The following HAGH variants were observed in gnomAD, a reference collection of about 807,000 sequenced individuals.
HAGH encodes the protein hydroxyacylglutathione hydrolase, also known as hydroxyacylglutathione hydrolase, mitochondrial.
Under a neutral mutation model 35.1 loss-of-function variants are expected in HAGH, and 29 were observed. The observed-to-expected ratio is 0.83, with a 90% CI of 0.62 to 1.13. HAGH has a LOEUF of 1.13. Ranked by LOEUF, HAGH falls within the 50% of genes most tolerant of loss-of-function variation. The pLI is 0.00. For missense variants in HAGH, 478 were observed against 419.6 expected (o/e 1.14, Z -1.22); for synonymous variants, 225 against 176.1 (o/e 1.28, Z -2.20).
upstream of HAGH, chr16:1,826,962 A>C (rs1898469325): frequency 1.6e-6 from 1 of 609,422 alleles, no homozygotes; most frequent in Non-Finnish European, 2.6e-6. Flanking sequence ...GCGAGCCCCG[A>C]CTGCCACGGG....
At chr16:1,815,551 T>C (rs1897851176) in intron 7 of HAGH, among the ~76,000 whole-genome samples, 1 of 152,042 alleles carries the variant, frequency 6.6e-6, no homozygotes. Flanking sequence ...ATTCTGTTCA[T>C]GGGAAACTAG....
At chr16:1,809,456 A>T (rs1321644735) in intron 8 of HAGH, 74 bp from the exon 9 acceptor site, 1 of 1,259,272 alleles carries the variant, frequency 7.9e-7, no homozygotes. Context: ...ACTGCAGAGG[A>T]AGGCGACTCG....
chr16:1,823,012 G>T lies in HAGH; in HGVS notation c.102C>A (p.Cys34Ter), dbSNP rs755114034. The change falls in exon 2 of 9, where the codon TGC becomes TGA. Residue 34 changes from cysteine to a stop codon, truncating the protein, a stop_gained. Coordinates refer to ENST00000397356, the MANE Select transcript of HAGH (RefSeq NM_005326.6). LOFTEE classifies it high-confidence loss of function. Reference protein sequence around the residue: ...GLGPALLGVFCHTDLRKNLTV... With the variant: ...GLGPALLGVF ...TCAGGTTCTTCCGCAAATCTGTGTG[G>T]CAGAAAACTCCCAGCAGGGCTGGAC... is the stretch of plus-strand genomic sequence containing the variant. The T allele has an allele frequency of 1.9e-6, 3 of 1,613,750 alleles. No homozygotes were observed. In the African/African-American group the frequency reaches 4.0e-5, roughly 22 times the overall value.
At chr16:1,821,572 A>C (rs1898147633) in intron 3 of HAGH, 1 of 152,268 alleles carries the variant, frequency 6.6e-6, no homozygotes, top group African/African-American at 2.4e-5. Flanking sequence ...GAACCCAGAC[A>C]GGGCATTTTA....
At position 1,819,914 on chromosome 16, in the gene HAGH, G is replaced by A. The variant is rs1436272716; in HGVS notation, c.415C>T (p.His139Tyr). The change falls in exon 4 of 9, where the codon CAC becomes TAC. Residue 139 changes from histidine (H) to tyrosine (Y), a missense_variant. Coordinates refer to ENST00000397356, the MANE Select transcript of HAGH (RefSeq NM_005326.6). ...CTCCTTACCTGCAGTGTGGACAGGTGAGTGATCTTGTGAGTCAGGGCCCCG... is the reference window on the plus strand; with the variant it reads ...CTCCTTACCTGCAGTGTGGACAGGTAAGTGATCTTGTGAGTCAGGGCCCCG... The part of the protein sequence containing the change: ...RIGALTHKIT[H>Y]LSTLQVGSLN... 1.2e-6 allele frequency: 2 copies of A among 1,607,476 alleles called. No individual in the cohort carries two copies. Among genetic ancestry groups the A allele is most frequent in the East Asian group, 2.2e-5 (1 of 44,814 alleles).
chr16:1,827,013 C>G (rs1284219604), upstream of HAGH: 3 of 696,724 alleles, frequency 4.3e-6, no homozygotes, highest in Non-Finnish European at 6.6e-6. Flanking sequence ...GGCCCGAGAG[C>G]TGCGCCGGGA....
chr16:1,818,854 G>T, intron 5 of HAGH: 1 of 479,466 alleles, frequency 2.1e-6, no homozygotes, highest in African/African-American at 2.0e-5. Flanking sequence ...CTTTCCCGTG[G>T]GACCCGCCCG....
At position 1,819,191 on chromosome 16, in the gene HAGH, G is replaced by T. The variant is rs772341306; in HGVS notation, c.465C>A (p.Thr155=). 7.4e-6 allele frequency: 12 copies of T among 1,612,638 alleles called. No individual in the cohort carries two copies. Among genetic ancestry groups the T allele is most frequent in the Non-Finnish European group, 1.0e-5 (12 of 1,179,424 alleles). Reference sequence around the variant, plus strand: ...AAATGTGTCCTGAAGTGTGGCACGGGGTCGCCAGGCACTTGACGTTCAGAG... The same window carrying T: ...AAATGTGTCCTGAAGTGTGGCACGGTGTCGCCAGGCACTTGACGTTCAGAG... ...VGSLNVKCLA[T]PCHTSGHICY... The change falls in exon 5 of 9, where the codon ACC becomes ACA. Residue 155 remains threonine, a synonymous_variant. Coordinates refer to ENST00000397356, the MANE Select transcript of HAGH (RefSeq NM_005326.6).
chr16:1,813,704 G>C (rs185172612), intron 7 of HAGH, among the ~76,000 whole-genome samples: 96 of 152,286 alleles, frequency 6.3e-4, no homozygotes, highest in Admixed American at 1.3e-4. Flanking sequence ...AGAAGTTCAC[G>C]AGATGATTCT....
At chr16:1,826,582 C>G (rs1158077217) in intron 1 of HAGH, 130 bp downstream of exon 1, 2 of 982,462 alleles carry the variant, frequency 2.0e-6, no homozygotes, top group African/African-American at 1.8e-5. Context: ...CGCTCGAGCC[C>G]GGCAGCGCGG....
At chr16:1,809,919 T>C in intron 7 of HAGH, 86 bp from the exon 8 acceptor site, 3 of 966,612 alleles carry the variant, frequency 3.1e-6, no homozygotes, top group East Asian at 2.4e-5. Flanking sequence ...ATACCAGCAC[T>C]TTGGGAGGCT....
At chr16:1,810,160 A>AG in intron 7 of HAGH, 2 of 219,384 alleles carry the variant, frequency 9.1e-6, no homozygotes, top group Non-Finnish European at 1.7e-5. Context: ...ATCACGTCTC[A>AG]AAAAATGCTT....
upstream of HAGH, chr16:1,827,095 G>C: frequency 3.1e-6 from 4 of 1,271,608 alleles, no homozygotes; most frequent in Non-Finnish European, 4.3e-6. Flanking sequence ...GCGCCACGCC[G>C]CCCGGGTACC....
intron 8 of HAGH, 118 bp from the exon 9 acceptor site, chr16:1,809,500 G>A: frequency 1.2e-6 from 1 of 813,356 alleles, no homozygotes; most frequent in South Asian, 1.5e-5. Flanking sequence ...AGGACACGGA[G>A]GGCGGGGAGG....
chr16:1,821,540 T>A lies in HAGH; in HGVS notation c.314+760A>T, dbSNP rs544948699. The A allele has an allele frequency of 2.6e-5, 4 of 152,382 alleles. No homozygotes were observed. The East Asian group carries it at 7.7e-4, about 29-fold the overall frequency. The allele number at this position is 152,382 out of a possible 1,614,324, so 9.4% of individuals were successfully genotyped here. A position where few individuals can be genotyped will look rare whatever the true frequency, so the allele number is the denominator to read the frequency against. On this transcript the variant is annotated intron_variant, in intron 3 of 8. Transcript: ENST00000397356. ...ATTTCTAAAAGCCAAACAACGGCCT[T>A]GAGCAGGCAATGCCAGCCCTAGAAC...
intron 1 of HAGH, among the ~76,000 whole-genome samples, chr16:1,825,497 T>C (rs924644434): frequency 6.6e-6 from 1 of 152,138 alleles, no homozygotes; most frequent in Non-Finnish European, 1.5e-5. Context: ...TTTGTAACTG[T>C]AATACTTTGT....
At chr16:1,812,198 C>CAAAAAA (rs763735556) in intron 7 of HAGH, among the ~76,000 whole-genome samples, 3 of 110,668 alleles carry the variant, frequency 2.7e-5, no homozygotes, top group African/African-American at 3.7e-5. Flanking sequence ...TCTCCCCAAC[C>CAAAAAA]AAAAAAAAAA....
At chr16:1,816,552 T>C (rs1310308981) in intron 7 of HAGH, among the ~76,000 whole-genome samples, 1 of 151,910 alleles carries the variant, frequency 6.6e-6, no homozygotes, top group African/African-American at 2.4e-5. Context: ...GGGGCCACCG[T>C]GGAGATAAGA....
rs781070088 is a variant in HAGH, at chr16:1,809,210, C to T, written c.*73G>A. On this transcript the variant is annotated 3_prime_UTR_variant, in exon 9 of 9. Transcript: ENST00000397356. Reference sequence around the variant, plus strand: ...AAGGTTAAATCAAGACTGAATTTCCCGCACGGACCAGCAGGAAAGCCAGTT... The same window carrying T: ...AAGGTTAAATCAAGACTGAATTTCCTGCACGGACCAGCAGGAAAGCCAGTT... The T allele has an allele frequency of 4.2e-5, 42 of 1,011,720 alleles. No homozygotes were observed. In the South Asian group the frequency reaches 5.2e-4, roughly 12 times the overall value. 62.7% of individuals were successfully genotyped at this position (1,011,720 alleles called of 1,614,324 possible).
Sources: allele counts gnomAD v4.1 joint callset (sites outside exome capture counted in the v4.1 genomes callset), GRCh38; gene constraint gnomAD v4.1.1; transcripts MANE v1.5; gene names NCBI Gene and HGNC (gene_info 2026-07-23, HGNC 2026-07-21).